The following SPTAN1 variants were observed in gnomAD, a reference collection of about 807,000 sequenced individuals.
SPTAN1 encodes the protein spectrin alpha, non-erythrocytic 1, also known as spectrin alpha chain, non-erythrocytic 1.
A neutral mutation model predicts 331.3 loss-of-function variants in SPTAN1; 61 were observed. That is an observed-to-expected ratio of 0.18 (90% CI 0.15 to 0.23). The LOEUF is 0.23. SPTAN1 is among the 10% of genes least tolerant of loss of function. The probability of loss-of-function intolerance (pLI) is 1.00; values close to 1 mark genes in which losing one functional copy is unlikely to be tolerated. For missense variants in SPTAN1, 2,043 were observed against 3,147.9 expected (o/e 0.65, Z 8.40); for synonymous variants, 1,153 against 1,173.9 (o/e 0.98, Z 0.36).
In SPTAN1 at chr9:128,632,518, G is replaced by C. The variant is rs199955815; in HGVS notation, c.7013+34G>C. On this transcript the variant is annotated intron_variant, in intron 54 of 56. Transcript: ENST00000372739. ...AGCCTTACTCGCCCTGGCTGGGTGGGGGGTGTTCGGCAGCAGGGCTGCCTG... is the reference window on the plus strand; with the variant it reads ...AGCCTTACTCGCCCTGGCTGGGTGGCGGGTGTTCGGCAGCAGGGCTGCCTG... 3,309 of 1,614,170 alleles carry C rather than the reference G, an allele frequency of 2.0e-3. 7 individuals are homozygous for C. The highest frequency in any genetic ancestry group is 2.6e-3 in the Non-Finnish European group (3,049 of 1,180,030).
At position 128,562,983 on chromosome 9, in the gene SPTAN1, CATGTATGTGTAT is replaced by C. The variant is rs1359374069; in HGVS notation, c.-3-3752_-3-3741del. Among the ~76,000 whole-genome samples the C allele has an allele frequency of 8.7e-3, 1,055 of 120,744 alleles. 12 individuals are homozygous for C. The highest frequency in any genetic ancestry group is 0.022 in the South Asian group (85 of 3,860). 79.2% of individuals were successfully genotyped at this position (120,744 alleles called of 152,430 possible). A position where few individuals can be genotyped will look rare whatever the true frequency, so the allele number is the denominator to read the frequency against. On this transcript the variant is annotated intron_variant, in intron 1 of 56. Transcript: ENST00000372739. ...CCGTCTAAAAAAAAATATATATATACATGTATGTGTATATATATATATATATATATATATATA... is the reference window on the plus strand; with the variant it reads ...CCGTCTAAAAAAAAATATATATATACATATATATATATATATATATATATA...
At chr9:128,555,696 T>C (rs1180555963) in intron 1 of SPTAN1, among the ~76,000 whole-genome samples, 1 of 151,764 alleles carries the variant, frequency 6.6e-6, no homozygotes, top group Admixed American at 6.6e-5. Flanking sequence ...CTTACCACCA[T>C]TCTGGTGTTT....
chr9:128,622,237 A>C (rs1385728598), intron 45 of SPTAN1: 1 of 151,714 alleles, frequency 6.6e-6, no homozygotes, highest in Non-Finnish European at 1.5e-5. Context: ...TCTGTTCTTC[A>C]AGCCAGGAGA....
intron 1 of SPTAN1, among the ~76,000 whole-genome samples, chr9:128,565,195 C>T (rs1301704426): frequency 2.0e-5 from 3 of 152,114 alleles, no homozygotes; most frequent in East Asian, 1.9e-4. Flanking sequence ...CCCCGCTACT[C>T]GGGAGGCTGA....
At chr9:128,623,476 GAC>G (rs1480755882) in intron 45 of SPTAN1, among the ~76,000 whole-genome samples, 1 of 149,928 alleles carries the variant, frequency 6.7e-6, no homozygotes, top group African/African-American at 2.5e-5. Flanking sequence ...TTTTGTTTGA[GAC>G]AGAGTCTTGC....
intron 48 of SPTAN1, 72 bp downstream of exon 48, chr9:128,626,050 G>C: frequency 1.3e-6 from 2 of 1,560,310 alleles, no homozygotes; most frequent in South Asian, 2.2e-5. Flanking sequence ...TGTCTGCCCA[G>C]CTCTGCCACT....
Position 128,618,673 on chromosome 9 carries a change from C to T in SPTAN1, c.5601-198C>T, listed in dbSNP as rs570111238. 3.8e-4 allele frequency among the ~76,000 whole-genome samples: 58 copies of T among 152,108 alleles called. No homozygotes were observed. In the South Asian group the frequency reaches 5.4e-3, roughly 14 times the overall value. ...TAATTTTTTGTATTTTTAGTAGAGACGGGGTTTCACCGTCTTAGCCAGGAT... is the reference window on the plus strand; with the variant it reads ...TAATTTTTTGTATTTTTAGTAGAGATGGGGTTTCACCGTCTTAGCCAGGAT... On this transcript the variant is annotated intron_variant, in intron 43 of 56. Transcript: ENST00000372739.
chr9:128,619,902 G>A (rs75269823), intron 44 of SPTAN1, among the ~76,000 whole-genome samples: 3,187 of 152,274 alleles, frequency 0.021, 118 homozygotes, highest in African/African-American at 0.073. Context: ...GGTCCTTCAC[G>A]CTCCTGCATT....
At chr9:128,598,311 T>C in intron 24 of SPTAN1, 89 bp from the exon 25 acceptor site, 1 of 990,268 alleles carries the variant, frequency 1.0e-6, no homozygotes, top group Non-Finnish European at 1.6e-6. Flanking sequence ...GAAGAATCCT[T>C]ATAGTTTCAA....
rs147731264 is a variant in SPTAN1 at position 128,607,179 on chromosome 9, T to C, written c.4047-425T>C. Among the ~76,000 whole-genome samples the C allele has an allele frequency of 2.8e-3, 425 of 152,208 alleles. 9 individuals are homozygous for C. In the East Asian group the frequency reaches 0.04, roughly 14 times the overall value. On this transcript the variant is annotated intron_variant, in intron 31 of 56. Transcript: ENST00000372739. Reference sequence around the variant, plus strand: ...AGAAAGGCTTTTTCTTTTTTTTCTTTTTTTTTTAGAGACAGGGTTGCACCA... The same window carrying C: ...AGAAAGGCTTTTTCTTTTTTTTCTTCTTTTTTTAGAGACAGGGTTGCACCA...
At chr9:128,555,864 T>C (rs1848579299) in intron 1 of SPTAN1, among the ~76,000 whole-genome samples, 1 of 152,196 alleles carries the variant, frequency 6.6e-6, no homozygotes, top group South Asian at 2.1e-4. Context: ...TTGGGTTTGT[T>C]TCCTGTTGCA....
chr9:128,615,919 G>A, intron 41 of SPTAN1, 79 bp downstream of exon 41: 1 of 1,499,992 alleles, frequency 6.7e-7, no homozygotes, highest in Admixed American at 1.8e-5. Context: ...ACTGTTGAGT[G>A]GTGAGGCTGG....
At position 128,608,858 on chromosome 9, in the gene SPTAN1, CTT is replaced by C; in HGVS notation, c.4492-14_4492-13del. The stretch of plus-strand genomic sequence containing the variant: ...CCACAGGCCCACCTTGATCTCATGC[CTT>C]TGTTTTCTGACAGGAAGAGAAGATT... On this transcript the variant is annotated splice_polypyrimidine_tract_variant and intron_variant, in intron 34 of 56. Transcript: ENST00000372739. 10 of 1,613,082 alleles carry C rather than the reference CTT, an allele frequency of 6.2e-6. No individual in the cohort carries two copies. The highest frequency in any genetic ancestry group is 8.5e-6 in the Non-Finnish European group (10 of 1,179,696).
rs1218463195 is a variant in SPTAN1, at chr9:128,629,930, G to A, written c.6708-391G>A. ...CTGTCAGGTTCTCAGCCTCCCCTCT[G>A]CCCTGAGGTCTCCTGTCTGTCAGGT... On this transcript the variant is annotated intron_variant, in intron 51 of 56. Coordinates refer to ENST00000372739, the MANE Select transcript of SPTAN1 (RefSeq NM_001130438.3). This position sits in a 1 kb window ranked among gnomAD's most constrained non-coding sequence, Gnocchi z 4.9. The A allele has an allele frequency of 2.7e-6, 1 of 366,356 alleles. No homozygotes were observed. 22.7% of individuals were successfully genotyped at this position (366,356 alleles called of 1,614,324 possible).
rs961873701 is a variant in SPTAN1, at chr9:128,583,851, T to C, written c.2075T>C (p.Leu692Ser). Reference protein sequence around the residue: ...QFNRNVEDIELWLYEVEGHLA... With the variant: ...QFNRNVEDIESWLYEVEGHLA... ...AATCGCAATGTTGAGGATATTGAATTGTGGCTATATGAAGTAGAAGGTCAC... is the reference window on the plus strand; with the variant it reads ...AATCGCAATGTTGAGGATATTGAATCGTGGCTATATGAAGTAGAAGGTCAC... Residue 692 changes from leucine (L) to serine (S), a missense_variant, in exon 16 of 57, where the codon TTG becomes TCG. This residue lies in a region of SPTAN1 where 1,038 missense variants were observed against 1,531.5 expected (regional missense o/e 0.68). Coordinates refer to ENST00000372739, the MANE Select transcript of SPTAN1 (RefSeq NM_001130438.3). The C allele has an allele frequency of 6.2e-7, 1 of 1,614,204 alleles. No individual in the cohort carries two copies.
chr9:128,609,228 A>T lies in SPTAN1; in HGVS notation c.4702A>T (p.Ser1568Cys). Reference protein sequence around the residue: ...RDVDEIEAWISEKLQTASDES... With the variant: ...RDVDEIEAWICEKLQTASDES... ...TGTGGATGAGATTGAGGCTTGGATC[A>T]GTGAAAAATTGCAAACAGCGAGTGA... The change falls in exon 36 of 57, where the codon AGT (serine) becomes TGT (cysteine). Residue 1568 changes from serine to cysteine, a missense_variant. Around this residue, in one of 12 missense-constraint regions of SPTAN1, gnomAD observed 323 missense variants for 581.1 expected, o/e 0.56. Transcript: ENST00000372739. 1 of 1,614,278 alleles carries T rather than the reference A, an allele frequency of 6.2e-7. No individual in the cohort carries two copies. Among genetic ancestry groups the T allele is most frequent in the Non-Finnish European group, 8.5e-7 (1 of 1,180,050 alleles).
chr9:128,600,474 A>G (rs1348669074), intron 27 of SPTAN1, among the ~76,000 whole-genome samples: 1 of 152,156 alleles, frequency 6.6e-6, no homozygotes, highest in African/African-American at 2.4e-5. Context: ...GCCTTCATTC[A>G]CCATCTGCCT....
Position 128,592,983 on chromosome 9 carries a change from G to A in SPTAN1, c.3156G>A (p.Gln1052=), listed in dbSNP as rs749768274. Residue 1052 remains glutamine (Q), a splice_region_variant and synonymous_variant, in exon 23 of 57, where the codon CAG becomes CAA. Transcript: ENST00000372739. ...IALRQEQIDN[Q]TRITKEAGSV... ...CTTTTGCTGTGCCCCCTCTGTGCAGGACACGCATAACTAAGGAGGCCGGCA... is the reference window on the plus strand; with the variant it reads ...CTTTTGCTGTGCCCCCTCTGTGCAGAACACGCATAACTAAGGAGGCCGGCA... 4.4e-5 allele frequency: 71 copies of A among 1,607,000 alleles called. No individual in the cohort carries two copies. The highest frequency in any genetic ancestry group is 5.8e-5 in the Non-Finnish European group (68 of 1,176,404).
rs373224130 is a variant in SPTAN1 at position 128,613,811 on chromosome 9, C to T, written c.5148+326C>T. Reference sequence around the variant, plus strand: ...CTGAGGTCAGGAGTTCGAGACCACTCCGGCCAACGTGGTGAGACCTCCGTC... The same window carrying T: ...CTGAGGTCAGGAGTTCGAGACCACTTCGGCCAACGTGGTGAGACCTCCGTC... On this transcript the variant is annotated intron_variant, in intron 40 of 56. Coordinates refer to ENST00000372739, the MANE Select transcript of SPTAN1 (RefSeq NM_001130438.3). 3.9e-5 allele frequency among the ~76,000 whole-genome samples: 6 copies of T among 151,990 alleles called. No individual in the cohort carries two copies. The East Asian group carries it at 5.9e-4, about 15-fold the overall frequency.
Sources: gnomAD v4.1 joint callset for allele counts (sites outside exome capture counted in the v4.1 genomes callset) on GRCh38, gnomAD v4.1.1 for gene constraint, gnomAD v4.1.1 regional missense constraint, Gnocchi (gnomAD v3.1) non-coding constraint, MANE v1.5 for transcripts, NCBI Gene and HGNC (gene_info 2026-07-23, HGNC 2026-07-21) for gene names.